Variants in TM2D3 observed in about 807,000 individuals in gnomAD.
TM2D3 encodes the protein TM2 domain-containing protein 3.
A neutral mutation model predicts 27.3 loss-of-function variants in TM2D3; 33 were observed. That is an observed-to-expected ratio of 1.21 (90% confidence interval 0.92 to 1.61). The LOEUF is 1.61. Among genes scored for constraint, TM2D3 ranks in the 40% most tolerant of loss-of-function variants. The pLI, the probability that TM2D3 is intolerant of heterozygous loss-of-function variation, is 0.00. For missense variants in TM2D3, 364 were observed against 320.8 expected (o/e 1.13, Z -1.03); for synonymous variants, 138 against 122.2 (o/e 1.13, Z -0.85).
chr15:101,646,617 T>C, intron 4 of TM2D3, 108 bp downstream of exon 4: 1 of 1,205,422 alleles, frequency 8.3e-7, no homozygotes. Flanking sequence ...GAGCTGCTGA[T>C]AAATGTTTCT....
chr15:101,644,419 C>T (rs1257667647), intron 5 of TM2D3, among the ~76,000 whole-genome samples: 1 of 152,216 alleles, frequency 6.6e-6, no homozygotes, highest in Non-Finnish European at 1.5e-5. Context: ...AGCCCCAAGA[C>T]AAAAACTCAT....
Position 101,645,062 on chromosome 15 carries a change from TACACTTACGAGTA to T in TM2D3, c.578+12_578+24del. ...TCCCAAAGAAATGCAAACGGCCTTTTACACTTACGAGTAACAAGGCTTACCTTAGAGCCAGAGC... is the reference window on the plus strand; with the variant it reads ...TCCCAAAGAAATGCAAACGGCCTTTTACAAGGCTTACCTTAGAGCCAGAGC... On this transcript the variant is annotated intron_variant, in intron 5 of 5. Transcript: ENST00000333202. 1.2e-6 allele frequency: 2 copies of T among 1,607,004 alleles called. No individual in the cohort carries two copies. Among genetic ancestry groups the T allele is most frequent in the Admixed American group, 3.4e-5 (2 of 59,460 alleles).
downstream of TM2D3, among the ~76,000 whole-genome samples, chr15:101,638,288 AC>A (rs777010017): frequency 1.6e-4 from 23 of 139,950 alleles, no homozygotes; most frequent in African/African-American, 2.4e-4. Context: ...CACCAGTGAG[AC>A]CCCCCCACCT....
intron 3 of TM2D3, among the ~76,000 whole-genome samples, chr15:101,649,226 A>G (rs1334129759): frequency 6.6e-6 from 1 of 151,948 alleles, no homozygotes; most frequent in Middle Eastern, 3.2e-3. Context: ...GTGTTTATAT[A>G]TTACTGATAT....
intron 3 of TM2D3, among the ~76,000 whole-genome samples, chr15:101,648,927 GTAAGTT>G (rs1484618343): frequency 6.6e-6 from 1 of 152,116 alleles, no homozygotes; most frequent in Non-Finnish European, 1.5e-5. Flanking sequence ...GTGTGCATGT[GTAAGTT>G]TAACAGATAT....
downstream of TM2D3, among the ~76,000 whole-genome samples, chr15:101,640,033 A>G (rs542106301): frequency 1.3e-5 from 2 of 152,340 alleles, no homozygotes; most frequent in African/African-American, 4.8e-5. Context: ...CTGCAGTGAT[A>G]AATTCTGAGT....
At chr15:101,638,765 G>C (rs1027382756), downstream of TM2D3, among the ~76,000 whole-genome samples, 5 of 152,106 alleles carry the variant, frequency 3.3e-5, no homozygotes, top group African/African-American at 1.2e-4. Context: ...TTGTTTGCTG[G>C]TTTTGGGCAG....
chr15:101,647,468 T>C (rs1282016229), intron 3 of TM2D3, among the ~76,000 whole-genome samples: 2 of 152,220 alleles, frequency 1.3e-5, no homozygotes, highest in African/African-American at 4.8e-5. Context: ...TTGTTACAGC[T>C]GCTCCTACCA....
At chr15:101,636,754 T>C (rs1018125860) in intron 4 of TM2D3, 1 of 216,706 alleles carries the variant, frequency 4.6e-6, no homozygotes, top group Non-Finnish European at 9.8e-6. Context: ...ACTGTTTTCC[T>C]GGGCAGCTAC....
rs368033193 is a variant in TM2D3 at position 101,642,452 on chromosome 15, T to C, written c.*27A>G. Reference sequence around the variant, plus strand: ...GGACAAAAGGGCTTTTTCTAAGCCCTGCTCCTTTCTGAAGCACACACCACA... The same window carrying C: ...GGACAAAAGGGCTTTTTCTAAGCCCCGCTCCTTTCTGAAGCACACACCACA... On this transcript the variant is annotated 3_prime_UTR_variant, in exon 6 of 6. Coordinates refer to ENST00000333202, the MANE Select transcript of TM2D3 (RefSeq NM_078474.3). 6.3e-6 allele frequency: 10 copies of C among 1,581,606 alleles called. No individual in the cohort carries two copies. Among genetic ancestry groups the C allele is most frequent in the African/African-American group, 1.4e-5 (1 of 73,816 alleles).
intron 5 of TM2D3, among the ~76,000 whole-genome samples, chr15:101,643,455 A>T (rs1896719468): frequency 6.6e-6 from 1 of 151,786 alleles, no homozygotes; most frequent in South Asian, 2.1e-4. Context: ...ACAAAAAATT[A>T]GCCAGGCGTG....
At chr15:101,637,765 C>T (rs1309059349), downstream of TM2D3, among the ~76,000 whole-genome samples, 1 of 152,104 alleles carries the variant, frequency 6.6e-6, no homozygotes, top group African/African-American at 2.4e-5. Flanking sequence ...TAGAGACAGG[C>T]GTAACTACGT....
chr15:101,644,342 G>A (rs1005284351), intron 5 of TM2D3, among the ~76,000 whole-genome samples: 1 of 152,116 alleles, frequency 6.6e-6, no homozygotes, highest in African/African-American at 2.4e-5. Flanking sequence ...AGGGATGGGG[G>A]GTTTGCTACT....
intron 1 of TM2D3, chr15:101,651,987 C>T (rs1210342498): frequency 1.7e-6 from 1 of 597,830 alleles, no homozygotes; most frequent in Non-Finnish European, 2.9e-6. Context: ...CGAAGGATGA[C>T]ATCGCGCTCC....
At chr15:101,633,343 T>C (rs1896488861) in exon 5 of TM2D3, 1 of 269,594 alleles carries the variant, frequency 3.7e-6, no homozygotes. Flanking sequence ...TGGGCATCGC[T>C]TAGCTGGATT....
downstream of TM2D3, among the ~76,000 whole-genome samples, chr15:101,637,590 C>T (rs1896577235): frequency 2.6e-5 from 4 of 152,136 alleles, no homozygotes; most frequent in South Asian, 8.3e-4. Context: ...GTGCAACTCC[C>T]CAGCCCCTTA....
intron 3 of TM2D3, among the ~76,000 whole-genome samples, 176 bp downstream of exon 3, chr15:101,649,828 G>A (rs1023076761): frequency 6.6e-6 from 1 of 152,222 alleles, no homozygotes; most frequent in African/African-American, 2.4e-5. Context: ...GTAGTGAGCT[G>A]ATATGGAAAG....
At chr15:101,634,749 C>T (rs1158294440) in intron 4 of TM2D3, 1 of 152,198 alleles carries the variant, frequency 6.6e-6, no homozygotes, top group Non-Finnish European at 1.5e-5. Flanking sequence ...TATTCTCTTA[C>T]CACAGTGAAA....
downstream of TM2D3, among the ~76,000 whole-genome samples, chr15:101,640,168 G>T (rs552264000): frequency 8.5e-5 from 13 of 152,176 alleles, no homozygotes; most frequent in Non-Finnish European, 1.9e-4. Context: ...CTGAGTATTT[G>T]TGTCTTTTCC....
Sources: gnomAD v4.1 joint callset for allele counts (sites outside exome capture counted in the v4.1 genomes callset) on GRCh38, gnomAD v4.1.1 for gene constraint, MANE v1.5 for transcripts, NCBI Gene and HGNC (gene_info 2026-07-23, HGNC 2026-07-21) for gene names.